Variants in HK1 observed in about 807,000 individuals in gnomAD.
HK1 encodes the protein hexokinase 1, also known as hexokinase-1.
In HK1, 28 loss-of-function variants were observed where a neutral mutation model predicts 91.6. The ratio of observed to expected loss-of-function variants is 0.31; its 90% CI spans 0.23 to 0.42. The LOEUF is 0.42. Ranked by LOEUF, HK1 falls within the 10% of genes least tolerant of loss-of-function variation. The pLI is 1.00. For synonymous variants in HK1, 430 were observed against 468.1 expected (o/e 0.92, Z 1.05); for missense variants, 770 against 1,219.8 (o/e 0.63, Z 5.49).
chr10:69,372,585 T>C lies in HK1; in HGVS notation c.875+2961T>C, dbSNP rs576516717. Among the ~76,000 whole-genome samples the C allele has an allele frequency of 3.9e-5, 6 of 152,212 alleles. No individual in the cohort carries two copies. In the South Asian group the frequency reaches 1.0e-3, roughly 26 times the overall value. ...GACAGAGGTGACCCAAGACTCATTG[T>C]TGAGGTGTGGTCTGGTGTAGGTTTG... On this transcript the variant is annotated intron_variant, in intron 7 of 17. Coordinates refer to ENST00000359426, the MANE Select transcript of HK1 (RefSeq NM_000188.3).
At chr10:69,326,625 A>G (rs1847392532) in intron 1 of HK1, among the ~76,000 whole-genome samples, 1 of 152,204 alleles carries the variant, frequency 6.6e-6, no homozygotes, top group South Asian at 2.1e-4. Flanking sequence ...TCACAAATCA[A>G]TACATTTGAG....
chr10:69,395,113 G>C lies in HK1; in HGVS notation c.2375+8G>C. 6.2e-7 allele frequency: 1 copy of C among 1,613,204 alleles called. No homozygotes were observed. The highest frequency in any genetic ancestry group is 1.7e-4 in the Middle Eastern group (1 of 6,060). ...TCTCTCTCAGATCGAGAGGTGAGTG[G>C]GCAGTGTCTTCCCTGCCAGCGCCCA... On this transcript the variant is annotated splice_region_variant and intron_variant, in intron 16 of 17. Transcript: ENST00000359426.
intron 2 of HK1, among the ~76,000 whole-genome samples, chr10:69,349,471 A>G (rs758371361): frequency 6.6e-6 from 1 of 152,228 alleles, no homozygotes; most frequent in African/African-American, 2.4e-5. Context: ...TTCCTAACCA[A>G]TGGAGCCAGT....
chr10:69,315,834 C>A, upstream of HK1: 1 of 932,420 alleles, frequency 1.1e-6, no homozygotes, highest in Non-Finnish European at 1.8e-6. Flanking sequence ...ACTGGCTGGG[C>A]ATCAGGACTA....
Position 69,401,163 on chromosome 10 carries a change from C to G in HK1, c.*28C>G. 1 of 1,607,866 alleles carries G rather than the reference C, an allele frequency of 6.2e-7. No individual in the cohort carries two copies. Reference sequence around the variant, plus strand: ...GTCCGGGATCCCCAGCCTACTGCCTCTCCAGCACTTCTCTCTTCAAGCGGC... The same window carrying G: ...GTCCGGGATCCCCAGCCTACTGCCTGTCCAGCACTTCTCTCTTCAAGCGGC... On this transcript the variant is annotated 3_prime_UTR_variant, in exon 18 of 18. Transcript: ENST00000359426.
At chr10:69,368,895 T>C (rs911262785) in intron 5 of HK1, among the ~76,000 whole-genome samples, 1 of 152,030 alleles carries the variant, frequency 6.6e-6, no homozygotes, top group African/African-American at 2.4e-5. Flanking sequence ...AGGGAGTGGG[T>C]GTCACGGATG....
At chr10:69,321,377 C>T (rs1397533657) in intron 1 of HK1, among the ~76,000 whole-genome samples, 2 of 152,200 alleles carry the variant, frequency 1.3e-5, no homozygotes, top group East Asian at 1.9e-4. Context: ...TAGAGACCAG[C>T]TCTTTCCACG....
chr10:69,401,135 A>G lies in HK1; in HGVS notation c.2754A>G (p.Ter918=), dbSNP rs1840369719. 1 of 1,613,224 alleles carries G rather than the reference A, an allele frequency of 6.2e-7. No individual in the cohort carries two copies. Among genetic ancestry groups the G allele is most frequent in the Non-Finnish European group, 8.5e-7 (1 of 1,179,868 alleles). ...GGTTACGCACAGAGGCAAGCAGCTAAGAGTCCGGGATCCCCAGCCTACTGC... is the reference window on the plus strand; with the variant it reads ...GGTTACGCACAGAGGCAAGCAGCTAGGAGTCCGGGATCCCCAGCCTACTGC... The part of the protein sequence containing the change: ...GVRLRTEASS[*] Residue 918 remains the stop codon, a stop_retained_variant, in exon 18 of 18, where the codon TAA becomes TAG. Transcript: ENST00000359426.
intron 4 of HK1, among the ~76,000 whole-genome samples, chr10:69,367,032 G>A (rs1405084449): frequency 6.6e-6 from 1 of 152,214 alleles, no homozygotes; most frequent in East Asian, 1.9e-4. Context: ...AACAGCAGAT[G>A]TAGCCTGTTC....
At chr10:69,373,451 G>A (rs1235649992) in intron 7 of HK1, among the ~76,000 whole-genome samples, 1 of 152,138 alleles carries the variant, frequency 6.6e-6, no homozygotes, top group African/African-American at 2.4e-5. Context: ...TTTCTAAAAG[G>A]GATCAGTCTT....
intron 17 of HK1, 73 bp from the exon 18 acceptor site, chr10:69,400,918 C>A: frequency 6.6e-7 from 1 of 1,520,882 alleles, no homozygotes; most frequent in Non-Finnish European, 9.1e-7. Context: ...GCTGTCTGTG[C>A]TTTGGTGTTT....
At chr10:69,276,475 G>A (rs897202892) in intron 1 of HK1, among the ~76,000 whole-genome samples, 14 of 151,562 alleles carry the variant, frequency 9.2e-5, no homozygotes, top group East Asian at 2.0e-4. Flanking sequence ...CCTGGTTAAC[G>A]TGGTGAAATC....
intron 14 of HK1, among the ~76,000 whole-genome samples, chr10:69,390,909 A>G (rs1310308265): frequency 1.3e-5 from 2 of 152,224 alleles, no homozygotes; most frequent in South Asian, 2.1e-4. Context: ...TGTCCAGTCT[A>G]TTCAGTGAGG....
intron 3 of HK1, chr10:69,288,837 A>C: frequency 7.3e-7 from 1 of 1,363,270 alleles, no homozygotes; most frequent in Non-Finnish European, 1.0e-6. Context: ...CCCAGGCTGG[A>C]GTGTAGTGGC....
At chr10:69,279,973 A>C (rs1171260580) in intron 1 of HK1, among the ~76,000 whole-genome samples, 1 of 152,184 alleles carries the variant, frequency 6.6e-6, no homozygotes, top group Non-Finnish European at 1.5e-5. Flanking sequence ...TTGTGTCTTC[A>C]CTAAGAACCA....
intron 3 of HK1, among the ~76,000 whole-genome samples, chr10:69,362,952 G>A (rs993222452): frequency 2.6e-5 from 4 of 152,172 alleles, no homozygotes; most frequent in African/African-American, 9.7e-5. Flanking sequence ...TTGACCAGGC[G>A]TTCTATTACT....
At chr10:69,293,974 G>T (rs565494517) in intron 3 of HK1, among the ~76,000 whole-genome samples, 1 of 145,666 alleles carries the variant, frequency 6.9e-6, no homozygotes, top group South Asian at 2.1e-4. Flanking sequence ...CCATTCTCCT[G>T]CCTCAGCCTC....
intron 3 of HK1, among the ~76,000 whole-genome samples, chr10:69,295,444 T>C (rs539163224): frequency 2.0e-5 from 3 of 152,370 alleles, no homozygotes; most frequent in African/African-American, 4.8e-5. Flanking sequence ...GAATTGCACA[T>C]GACTGAGCTC....
intron 10 of HK1, 60 bp from the exon 11 acceptor site, chr10:69,384,273 A>G: frequency 6.2e-7 from 1 of 1,603,074 alleles, no homozygotes; most frequent in Non-Finnish European, 8.5e-7. Context: ...TCTTGGGGTT[A>G]CTGGCTGCCA....
Sources: gnomAD v4.1 joint callset for allele counts (sites outside exome capture counted in the v4.1 genomes callset) on GRCh38, gnomAD v4.1.1 for gene constraint, MANE v1.5 for transcripts, NCBI Gene and HGNC (gene_info 2026-07-23, HGNC 2026-07-21) for gene names.